The following CADPS2 variants were observed in gnomAD, a reference collection of about 807,000 sequenced individuals.
CADPS2 encodes the protein calcium-dependent secretion activator 2.
In CADPS2, 93 loss-of-function variants were observed where a neutral mutation model predicts 172.5. The observed-to-expected ratio is 0.54, with a 90% confidence interval of 0.46 to 0.64. CADPS2 has a LOEUF of 0.64. Ranked by LOEUF, CADPS2 falls within the 30% of genes least tolerant of loss-of-function variation. CADPS2 has a pLI of 0.00. For missense variants in CADPS2, 1,420 were observed against 1,565.9 expected (o/e 0.91, Z 1.57); for synonymous variants, 546 against 555.2 (o/e 0.98, Z 0.23).
chr7:122,866,023 T>G (rs1046702107), intron 1 of CADPS2, among the ~76,000 whole-genome samples: 1 of 152,190 alleles, frequency 6.6e-6, no homozygotes, highest in South Asian at 2.1e-4. Context: ...ATTAAAAACA[T>G]TAATAGTTAA....
intron 5 of CADPS2, among the ~76,000 whole-genome samples, chr7:122,620,174 G>C (rs2075422892): frequency 6.6e-6 from 1 of 152,146 alleles, no homozygotes; most frequent in South Asian, 2.1e-4. Context: ...ATCAGCAAAT[G>C]CAAATGGCAG....
rs141042246 is a variant in CADPS2 at position 122,785,974 on chromosome 7, C to A, written c.340-48906G>T. ...TCTAAAAGAAGAAATAAACCACATG[C>A]AGATCTTCAAATTATAACTTCTAGT... On this transcript the variant is annotated intron_variant, in intron 1 of 29. Coordinates refer to ENST00000449022, the MANE Select transcript of CADPS2 (RefSeq NM_017954.11). Among the ~76,000 whole-genome samples the A allele has an allele frequency of 4.7e-3, 718 of 152,300 alleles. 2 individuals carry two copies. The highest frequency in any genetic ancestry group is 7.9e-3 in the Non-Finnish European group (540 of 68,026).
intron 9 of CADPS2, among the ~76,000 whole-genome samples, chr7:122,492,446 G>T (rs549232859): frequency 8.6e-5 from 13 of 152,028 alleles, no homozygotes; most frequent in African/African-American, 3.1e-4. Flanking sequence ...TGTCTGCTTG[G>T]ATCACAAGGC....
chr7:122,770,253 C>T (rs1282272120), intron 1 of CADPS2, among the ~76,000 whole-genome samples: 2 of 152,064 alleles, frequency 1.3e-5, no homozygotes, highest in African/African-American at 2.4e-5. Context: ...CATTCTCTAC[C>T]CACCCTATAT....
chr7:122,491,711 T>C (rs1014541849), intron 9 of CADPS2, among the ~76,000 whole-genome samples: 6 of 152,128 alleles, frequency 3.9e-5, no homozygotes, highest in African/African-American at 1.2e-4. Flanking sequence ...TTCATGTTGA[T>C]ACGTTTGGGA....
At chr7:122,329,378 C>G (rs2034512345) in intron 28 of CADPS2, among the ~76,000 whole-genome samples, 1 of 152,144 alleles carries the variant, frequency 6.6e-6, no homozygotes, top group African/African-American at 2.4e-5. Flanking sequence ...GGGCGGGATC[C>G]ACGCAGCTGT....
At chr7:122,483,602 C>T (rs528036495) in intron 11 of CADPS2, among the ~76,000 whole-genome samples, 8 of 151,956 alleles carry the variant, frequency 5.3e-5, no homozygotes, top group African/African-American at 1.9e-4. Context: ...TTTTCTTTCA[C>T]TTTTAATTTA....
chr7:122,728,920 T>C (rs1039467406), intron 2 of CADPS2, among the ~76,000 whole-genome samples: 2 of 151,684 alleles, frequency 1.3e-5, no homozygotes, highest in African/African-American at 4.8e-5. Context: ...TTTTGAAAAA[T>C]ACATAATTGT....
chr7:122,379,484 C>T (rs757532376), intron 24 of CADPS2, 42 bp from the exon 25 acceptor site: 1 of 1,322,778 alleles, frequency 7.6e-7, no homozygotes, highest in Non-Finnish European at 1.1e-6. Flanking sequence ...GACATGGACA[C>T]AAAACTTTTG....
chr7:122,664,785 C>CT (rs542369314), intron 2 of CADPS2, among the ~76,000 whole-genome samples: 22 of 151,736 alleles, frequency 1.4e-4, no homozygotes, highest in Admixed American at 6.6e-4. Context: ...TTCAAGTCAA[C>CT]TTTTTTTTCT....
intron 1 of CADPS2, among the ~76,000 whole-genome samples, chr7:122,847,290 T>G (rs1173448695): frequency 6.6e-6 from 1 of 152,162 alleles, no homozygotes; most frequent in Non-Finnish European, 1.5e-5. Flanking sequence ...TTTTGCCATG[T>G]TGGCCAGGCT....
chr7:122,645,697 C>T (rs1253463513), intron 3 of CADPS2, among the ~76,000 whole-genome samples: 1 of 116,150 alleles, frequency 8.6e-6, no homozygotes, highest in Non-Finnish European at 1.8e-5. Context: ...GGATTTTGCT[C>T]TTAGTTAGAT....
chr7:122,819,157 A>G (rs556885882), intron 1 of CADPS2, among the ~76,000 whole-genome samples: 1 of 152,314 alleles, frequency 6.6e-6, no homozygotes, highest in African/African-American at 2.4e-5. Flanking sequence ...GCAGCCAGGC[A>G]TTCCTCCAGA....
chr7:122,828,334 C>T (rs1030841747), intron 1 of CADPS2, among the ~76,000 whole-genome samples: 51 of 151,944 alleles, frequency 3.4e-4, no homozygotes, highest in Non-Finnish European at 1.9e-4. Flanking sequence ...CTGTAAGCAA[C>T]ATATAATGGG....
chr7:122,404,667 T>G (rs1043919954), intron 20 of CADPS2, among the ~76,000 whole-genome samples: 7 of 152,326 alleles, frequency 4.6e-5, no homozygotes, highest in African/African-American at 1.7e-4. Flanking sequence ...GTTTCTTGAC[T>G]TTTTAATGAT....
At chr7:122,401,334 C>CCAA (rs2045926734) in intron 20 of CADPS2, among the ~76,000 whole-genome samples, 3 of 152,138 alleles carry the variant, frequency 2.0e-5, no homozygotes, top group South Asian at 2.1e-4. Flanking sequence ...GAAGCAGCAC[C>CCAA]GTGGTATTTT....
chr7:122,393,093 C>A, intron 22 of CADPS2, 103 bp downstream of exon 22: 3 of 1,314,260 alleles, frequency 2.3e-6, no homozygotes, highest in South Asian at 1.7e-5. Flanking sequence ...ATTCCTCAAC[C>A]AACGATGACA....
At chr7:122,526,685 T>TCC in intron 8 of CADPS2, among the ~76,000 whole-genome samples, 1 of 152,214 alleles carries the variant, frequency 6.6e-6, no homozygotes, top group East Asian at 1.9e-4. Flanking sequence ...ATATTTCCCA[T>TCC]TTATTACCGT....
At chr7:122,387,935 C>T (rs914196705) in intron 23 of CADPS2, among the ~76,000 whole-genome samples, 1 of 151,970 alleles carries the variant, frequency 6.6e-6, no homozygotes, top group Non-Finnish European at 1.5e-5. Flanking sequence ...GAACACTTTT[C>T]TAATATGTGG....
Sources: allele counts gnomAD v4.1 joint callset (sites outside exome capture counted in the v4.1 genomes callset), GRCh38; gene constraint gnomAD v4.1.1; transcripts MANE v1.5; gene names NCBI Gene and HGNC (gene_info 2026-07-23, HGNC 2026-07-21).